Variants in EXOC5 observed in about 807,000 individuals in gnomAD.
EXOC5 encodes exocyst complex component 5, also known as SEC10-like 1.
In EXOC5, 17 loss-of-function variants were observed where a neutral mutation model predicts 90.8. That is an observed-to-expected ratio of 0.19 (90% confidence interval 0.13 to 0.28). EXOC5 has a LOEUF of 0.28. EXOC5 is among the 10% of genes least tolerant of loss of function. The pLI, the probability that EXOC5 is intolerant of heterozygous loss-of-function variation, is 1.00. For missense variants in EXOC5, 569 were observed against 830.6 expected (o/e 0.69, Z 3.87); for synonymous variants, 260 against 270.0 (o/e 0.96, Z 0.36).
chr14:57,264,535 A>AT (rs1178291660), intron 1 of EXOC5, among the ~76,000 whole-genome samples: 2 of 152,196 alleles, frequency 1.3e-5, no homozygotes, highest in African/African-American at 4.8e-5. Context: ...TAATCCTGGC[A>AT]TTTAGGACCT....
intron 1 of EXOC5, among the ~76,000 whole-genome samples, chr14:57,261,559 C>A (rs529817933): frequency 6.6e-6 from 1 of 152,232 alleles, no homozygotes; most frequent in African/African-American, 2.4e-5. Context: ...AGAAATTGAT[C>A]GGCCTCTGTT....
At position 57,202,654 on chromosome 14, in the gene EXOC5, T is replaced by C. The variant is rs548037383; in HGVS notation, c.*5955A>G. 1 of 152,328 alleles carries C rather than the reference T, an allele frequency of 6.6e-6. No individual in the cohort carries two copies. The highest frequency in any genetic ancestry group is 2.1e-4 in the South Asian group (1 of 4,830). The allele number at this position is 152,328 out of a possible 1,614,324, so 9.4% of individuals were successfully genotyped here. Reference sequence around the variant, plus strand: ...AACTAAGAAAACATAATGTTAATCATGGTAAACTTTGTTCAATTCCTGTGT... The same window carrying C: ...AACTAAGAAAACATAATGTTAATCACGGTAAACTTTGTTCAATTCCTGTGT... On this transcript the variant is annotated 3_prime_UTR_variant, in exon 18 of 18. Coordinates refer to ENST00000621441, the MANE Select transcript of EXOC5 (RefSeq NM_006544.4).
chr14:57,221,787 T>C (rs1186436855), intron 13 of EXOC5, among the ~76,000 whole-genome samples: 2 of 152,134 alleles, frequency 1.3e-5, no homozygotes, highest in African/African-American at 4.8e-5. Flanking sequence ...GAGTTTCATT[T>C]TGGATATGTT....
In EXOC5 at chr14:57,235,692, T is replaced by C; in HGVS notation, c.669+19A>G. 2.4e-6 allele frequency: 3 copies of C among 1,267,852 alleles called. No homozygotes were observed. Among genetic ancestry groups the C allele is most frequent in the Non-Finnish European group, 3.4e-6 (3 of 889,636 alleles). 78.5% of individuals were successfully genotyped at this position (1,267,852 alleles called of 1,614,324 possible). Reference sequence around the variant, plus strand: ...TCCATAGCCTTGAACACTATTCATTTTTAATTCCTACTATTTACCTTAAAA... The same window carrying C: ...TCCATAGCCTTGAACACTATTCATTCTTAATTCCTACTATTTACCTTAAAA... On this transcript the variant is annotated intron_variant, in intron 7 of 17. Coordinates refer to ENST00000621441, the MANE Select transcript of EXOC5 (RefSeq NM_006544.4).
intron 11 of EXOC5, 64 bp from the exon 12 acceptor site, chr14:57,229,945 C>A: frequency 9.8e-7 from 1 of 1,020,296 alleles, no homozygotes; most frequent in South Asian, 3.0e-5. Flanking sequence ...ACTTTGAGTA[C>A]TTCCAAACTT....
At chr14:57,248,637 AC>A (rs1884095856) in intron 1 of EXOC5, among the ~76,000 whole-genome samples, 1 of 152,094 alleles carries the variant, frequency 6.6e-6, no homozygotes, top group South Asian at 2.1e-4. Context: ...TAATTTACAT[AC>A]TTTTCATACT....
intron 1 of EXOC5, among the ~76,000 whole-genome samples, chr14:57,260,080 C>T (rs1884454762): frequency 6.6e-6 from 1 of 152,138 alleles, no homozygotes; most frequent in Non-Finnish European, 1.5e-5. Flanking sequence ...ACAATTCTGG[C>T]ACTACAAAGA....
At chr14:57,244,708 A>G (rs1448149257) in intron 3 of EXOC5, among the ~76,000 whole-genome samples, 2 of 152,194 alleles carry the variant, frequency 1.3e-5, no homozygotes, top group African/African-American at 2.4e-5. Context: ...CAGACATCTA[A>G]AGAGCTCTCT....
intron 15 of EXOC5, among the ~76,000 whole-genome samples, chr14:57,210,676 C>A (rs1278633079): frequency 6.6e-6 from 1 of 152,176 alleles, no homozygotes; most frequent in Non-Finnish European, 1.5e-5. Flanking sequence ...TCTGGCATTA[C>A]CATCACTCCT....
chr14:57,267,263 A>G (rs866566553), intron 1 of EXOC5, among the ~76,000 whole-genome samples: 1 of 152,208 alleles, frequency 6.6e-6, no homozygotes, highest in Non-Finnish European at 1.5e-5. Context: ...AGAAAATACA[A>G]TATCTCTGAA....
At position 57,268,634 on chromosome 14, in the gene EXOC5, G is replaced by C. The variant is rs766985070; in HGVS notation, c.15C>G (p.Ala5=). 2 of 1,590,950 alleles carry C rather than the reference G, an allele frequency of 1.3e-6. No individual in the cohort carries two copies. Among genetic ancestry groups the C allele is most frequent in the Non-Finnish European group, 8.5e-7 (1 of 1,174,708 alleles). ...CGCCGGGGCCCACCTCGAAGAGCTCGGCCGTGGTAGCCATCCCGGCCGGCT... is the reference window on the plus strand; with the variant it reads ...CGCCGGGGCCCACCTCGAAGAGCTCCGCCGTGGTAGCCATCCCGGCCGGCT... MATT[A]ELFEEPFVAD... Residue 5 remains alanine (A), a synonymous_variant, in exon 1 of 18, where the codon GCC becomes GCG. Coordinates refer to ENST00000621441, the MANE Select transcript of EXOC5 (RefSeq NM_006544.4).
At chr14:57,219,279 A>T in intron 14 of EXOC5, 43 bp downstream of exon 14, 1 of 1,245,412 alleles carries the variant, frequency 8.0e-7, no homozygotes. Context: ...GAATGCTATA[A>T]TAGTCACTGA....
chr14:57,259,267 T>C (rs1884432677), intron 1 of EXOC5, among the ~76,000 whole-genome samples: 1 of 152,128 alleles, frequency 6.6e-6, no homozygotes, highest in African/African-American at 2.4e-5. Flanking sequence ...TCCGGCTAAT[T>C]TTTATATTTT....
At chr14:57,251,950 T>C (rs1884209136) in intron 1 of EXOC5, among the ~76,000 whole-genome samples, 1 of 152,212 alleles carries the variant, frequency 6.6e-6, no homozygotes, top group African/African-American at 2.4e-5. Flanking sequence ...ATGAATTTGA[T>C]AACCTAGATG....
At chr14:57,265,645 T>C (rs902147270) in intron 1 of EXOC5, among the ~76,000 whole-genome samples, 1 of 152,186 alleles carries the variant, frequency 6.6e-6, no homozygotes, top group Non-Finnish European at 1.5e-5. Flanking sequence ...AGATGGATTG[T>C]GCCAGGAGGG....
At chr14:57,236,100 G>C (rs1056347556) in intron 6 of EXOC5, among the ~76,000 whole-genome samples, 28 of 151,838 alleles carry the variant, frequency 1.8e-4, no homozygotes, top group Non-Finnish European at 2.9e-5. Flanking sequence ...TAGCTGACTG[G>C]AAAAAATCCT....
intron 12 of EXOC5, 57 bp downstream of exon 12, chr14:57,229,677 C>A: frequency 1.6e-6 from 2 of 1,285,526 alleles, no homozygotes; most frequent in South Asian, 2.2e-5. Context: ...GGAATCAATT[C>A]CCCACAGATA....
intron 15 of EXOC5, among the ~76,000 whole-genome samples, chr14:57,212,485 C>T (rs1387037931): frequency 6.6e-6 from 1 of 152,198 alleles, no homozygotes; most frequent in Non-Finnish European, 1.5e-5. Context: ...TTATACATGC[C>T]TGCTGCATTA....
At chr14:57,257,455 T>A (rs1266539150) in intron 1 of EXOC5, among the ~76,000 whole-genome samples, 5 of 152,146 alleles carry the variant, frequency 3.3e-5, no homozygotes. Flanking sequence ...TAAGGACTGG[T>A]TGAGATCTAC....
Sources: gnomAD v4.1 joint callset for allele counts (sites outside exome capture counted in the v4.1 genomes callset) on GRCh38, gnomAD v4.1.1 for gene constraint, MANE v1.5 for transcripts, NCBI Gene and HGNC (gene_info 2026-07-23, HGNC 2026-07-21) for gene names.